The following DPY19L4 variants were observed in gnomAD, a reference collection of about 807,000 sequenced individuals.
DPY19L4 encodes the protein dpy-19 like 4.
DPY19L4 carries 97 observed loss-of-function variants against 102.8 expected under a neutral mutation model. The ratio of observed to expected loss-of-function variants is 0.94; its 90% CI spans 0.80 to 1.12. The LOEUF is 1.12. DPY19L4 is among the 50% of genes most tolerant of loss of function. The pLI is 0.00. For synonymous variants in DPY19L4, 252 were observed against 283.1 expected (o/e 0.89, Z 1.10); for missense variants, 815 against 850.4 (o/e 0.96, Z 0.52).
intron 12 of DPY19L4, among the ~76,000 whole-genome samples, chr8:94,768,792 GACC>G (rs1406874688): frequency 6.6e-6 from 1 of 151,926 alleles, no homozygotes; most frequent in East Asian, 1.9e-4. Flanking sequence ...GGGAGTTTGA[GACC>G]AGCCGGTCCA....
At chr8:94,757,749 G>A (rs997134405) in intron 7 of DPY19L4, among the ~76,000 whole-genome samples, 4 of 152,080 alleles carry the variant, frequency 2.6e-5, no homozygotes, top group African/African-American at 9.7e-5. Flanking sequence ...GTCTATGATT[G>A]AATATTTTCC....
At chr8:94,762,020 T>G (rs1220486182) in intron 8 of DPY19L4, among the ~76,000 whole-genome samples, 186 bp downstream of exon 8, 1 of 152,182 alleles carries the variant, frequency 6.6e-6, no homozygotes, top group East Asian at 1.9e-4. Flanking sequence ...ATTAACTTGC[T>G]AAACGAAAGG....
intron 1 of DPY19L4, among the ~76,000 whole-genome samples, chr8:94,724,171 C>G (rs1810590262): frequency 6.6e-6 from 1 of 152,190 alleles, no homozygotes; most frequent in East Asian, 1.9e-4. Context: ...ATGGAAAAGA[C>G]CCACCTACCT....
At chr8:94,778,492 G>A (rs938319360) in intron 14 of DPY19L4, among the ~76,000 whole-genome samples, 3 of 152,090 alleles carry the variant, frequency 2.0e-5, no homozygotes, top group Non-Finnish European at 2.9e-5. Flanking sequence ...ATCTCTGGGT[G>A]TAAAAACAGA....
rs1462164447 is a variant in DPY19L4 at position 94,719,957 on chromosome 8, G to A, written c.-42G>A. Reference sequence around the variant, plus strand: ...CGACGCGGAGGGAGGGAGAGTCTGGGCCGCGCGGGAGCCGCAGGGCGCCCT... The same window carrying A: ...CGACGCGGAGGGAGGGAGAGTCTGGACCGCGCGGGAGCCGCAGGGCGCCCT... On this transcript the variant is annotated 5_prime_UTR_variant, in exon 1 of 19. Transcript: ENST00000414645. The A allele has an allele frequency of 4.0e-6, 6 of 1,505,494 alleles. No individual in the cohort carries two copies. The highest frequency in any genetic ancestry group is 4.4e-6 in the Non-Finnish European group (5 of 1,127,334). The allele number at this position is 1,505,494 out of a possible 1,614,324, so 93.3% of individuals were successfully genotyped here. A position where few individuals can be genotyped will look rare whatever the true frequency, so the allele number is the denominator to read the frequency against.
chr8:94,725,718 C>T (rs1181432165), intron 1 of DPY19L4, among the ~76,000 whole-genome samples: 1 of 152,124 alleles, frequency 6.6e-6, no homozygotes, highest in Non-Finnish European at 1.5e-5. Flanking sequence ...TCACTGCAAG[C>T]TCCGCCTTCT....
chr8:94,737,378 G>A (rs1175462076), intron 3 of DPY19L4, among the ~76,000 whole-genome samples: 2 of 151,948 alleles, frequency 1.3e-5, no homozygotes, highest in African/African-American at 2.4e-5. Context: ...GTTTCACCAT[G>A]TTGGCCAGGC....
chr8:94,766,963 A>G (rs960434966), intron 11 of DPY19L4, among the ~76,000 whole-genome samples: 5 of 151,744 alleles, frequency 3.3e-5, no homozygotes, highest in African/African-American at 1.2e-4. Context: ...CCAGCTATTC[A>G]GGAAGCTGAG....
In DPY19L4 at chr8:94,791,798, T is replaced by C. The variant is rs1563624616; in HGVS notation, c.*1888T>C. ...CATATTAGTAAGTTGCTTTTGCTTCTTTCTGTCAACTTATTTTTTAAATAA... is the reference window on the plus strand; with the variant it reads ...CATATTAGTAAGTTGCTTTTGCTTCCTTCTGTCAACTTATTTTTTAAATAA... On this transcript the variant is annotated 3_prime_UTR_variant, in exon 19 of 19. Transcript: ENST00000414645. The C allele has an allele frequency of 1.3e-5, 2 of 152,190 alleles. No homozygotes were observed. Among genetic ancestry groups the C allele is most frequent in the Non-Finnish European group, 2.9e-5 (2 of 68,028 alleles). The allele number at this position is 152,190 out of a possible 1,614,324, so 9.4% of individuals were successfully genotyped here.
At chr8:94,729,597 CAAAAAAAAAA>C (rs770975687) in intron 2 of DPY19L4, among the ~76,000 whole-genome samples, 1 of 31,044 alleles carries the variant, frequency 3.2e-5, no homozygotes, top group African/African-American at 1.4e-4. Flanking sequence ...GATTCCATCT[CAAAAAAAAAA>C]AAAAAAAAAA....
At chr8:94,778,867 G>A (rs1251100901) in intron 14 of DPY19L4, among the ~76,000 whole-genome samples, 1 of 152,184 alleles carries the variant, frequency 6.6e-6, no homozygotes, top group Non-Finnish European at 1.5e-5. Context: ...GGCACATAAA[G>A]TGTGAGGTAG....
At chr8:94,788,190 A>G (rs1366786404) in intron 18 of DPY19L4, 138 bp downstream of exon 18, 8 of 401,834 alleles carry the variant, frequency 2.0e-5, no homozygotes, top group African/African-American at 1.5e-4. Flanking sequence ...AATAATGGGG[A>G]AAGCTTCTTA....
intron 16 of DPY19L4, 91 bp downstream of exon 16, chr8:94,781,257 C>T: frequency 2.6e-6 from 3 of 1,143,804 alleles, no homozygotes; most frequent in South Asian, 2.1e-5. Flanking sequence ...TAAATTAATA[C>T]TTCTCCAAAT....
intron 14 of DPY19L4, among the ~76,000 whole-genome samples, chr8:94,778,936 C>T (rs1355178367): frequency 2.0e-5 from 3 of 152,054 alleles, no homozygotes; most frequent in Admixed American, 1.3e-4. Context: ...CATGGGGTCC[C>T]TGGGTGTCAT....
intron 1 of DPY19L4, among the ~76,000 whole-genome samples, chr8:94,724,797 A>C (rs1333093152): frequency 6.6e-6 from 1 of 152,216 alleles, no homozygotes; most frequent in African/African-American, 2.4e-5. Flanking sequence ...CATATTGTCC[A>C]GGCTGTTCTC....
At chr8:94,777,640 T>C (rs756186852) in intron 13 of DPY19L4, 26 bp from the exon 14 acceptor site, 1 of 1,606,548 alleles carries the variant, frequency 6.2e-7, no homozygotes, top group East Asian at 2.2e-5. Flanking sequence ...GGATGTCTCA[T>C]GTATGACTCC....
intron 8 of DPY19L4, among the ~76,000 whole-genome samples, chr8:94,764,540 C>T (rs1253989816): frequency 1.4e-5 from 2 of 140,690 alleles, no homozygotes; most frequent in African/African-American, 2.7e-5. Context: ...CGCGCCACTG[C>T]ACTCTAGCCT....
chr8:94,723,988 T>C (rs1179888697), intron 1 of DPY19L4, among the ~76,000 whole-genome samples: 1 of 152,216 alleles, frequency 6.6e-6, no homozygotes, highest in East Asian at 1.9e-4. Flanking sequence ...TGTACTTTTA[T>C]AAACAAAAAT....
chr8:94,728,290 G>T (rs1055071427), intron 2 of DPY19L4, among the ~76,000 whole-genome samples: 1 of 152,248 alleles, frequency 6.6e-6, no homozygotes, highest in Non-Finnish European at 1.5e-5. Flanking sequence ...AGTATACACT[G>T]TTGGACAGGG....
Sources: gnomAD v4.1 joint callset for allele counts (sites outside exome capture counted in the v4.1 genomes callset) on GRCh38, gnomAD v4.1.1 for gene constraint, MANE v1.5 for transcripts, NCBI Gene and HGNC (gene_info 2026-07-23, HGNC 2026-07-21) for gene names.